Variants in ZNF273 observed in about 807,000 individuals in gnomAD.
The protein encoded by ZNF273 is zinc finger protein 9.
ZNF273 carries 11 observed loss-of-function variants against 14.9 expected under a neutral mutation model. The observed-to-expected ratio is 0.74, with a 90% CI of 0.46 to 1.22. The LOEUF is 1.22. Ranked by LOEUF, ZNF273 falls within the 50% of genes most tolerant of loss-of-function variation. The pLI is 0.00. For synonymous variants in ZNF273, 199 were observed against 223.9 expected, an observed-to-expected ratio of 0.89 and a Z score of 0.99; for missense variants, 577 against 660.6, an observed-to-expected ratio of 0.87 and a Z score of 1.39.
At chr7:64,924,283 A>G (rs1286943274) in intron 3 of ZNF273, 5 of 152,168 alleles carry the variant, frequency 3.3e-5, no homozygotes, top group Admixed American at 6.6e-5. Context: ...AGCTATTGAT[A>G]AGGGTGTGTA....
chr7:64,934,316 TTAA>T (rs1795044548), downstream of ZNF273, among the ~76,000 whole-genome samples: 1 of 152,192 alleles, frequency 6.6e-6, no homozygotes, highest in African/African-American at 2.4e-5. Flanking sequence ...CAGCTTTTTA[TTAA>T]TAATTTGAAG....
rs1794840752 is a variant in ZNF273 at position 64,927,900 on chromosome 7, CA to C, written c.575del (p.Asn192IlefsTer30). ...TATGTTAAAGTCCTTCATAAATTCT[CA>C]AATTCAAATATACATAAGAAAAGAC... ...DKYVKVLHKF[S>X]NSNIHKKRQT... On this transcript the variant is annotated frameshift_variant, in exon 4 of 4. Coordinates refer to ENST00000476120, the MANE Select transcript of ZNF273 (RefSeq NM_021148.3). LOFTEE classifies it low-confidence loss of function (END_TRUNC). 1.2e-6 allele frequency: 2 copies of C among 1,613,430 alleles called. No homozygotes were observed. The highest frequency in any genetic ancestry group is 1.7e-6 in the Non-Finnish European group (2 of 1,179,786).
chr7:64,893,393 A>G (rs1792154369), downstream of ZNF273: 2 of 152,178 alleles, frequency 1.3e-5, no homozygotes, highest in Admixed American at 6.5e-5. Flanking sequence ...ACAGTCCATC[A>G]TGTTCTGTTT....
rs562540762 is a variant in ZNF273 at position 64,916,884 on chromosome 7, A to C, written c.103-697A>C. 2.9e-4 allele frequency: 185 copies of C among 642,040 alleles called. No individual in the cohort carries two copies. The African/African-American group carries it at 3.5e-3, about 12-fold the overall frequency. The allele number at this position is 642,040 out of a possible 1,614,324, so 39.8% of individuals were successfully genotyped here. The stretch of plus-strand genomic sequence containing the variant: ...GATTTATTTTTCTTACTATAGAGTT[A>C]ATTATTTTTCTCTTCTTTATTAAGT... On this transcript the variant is annotated intron_variant, in intron 1 of 3. Transcript: ENST00000476120.
downstream of ZNF273, among the ~76,000 whole-genome samples, chr7:64,884,310 C>G (rs1583953753): frequency 6.6e-6 from 1 of 152,126 alleles, no homozygotes; most frequent in East Asian, 1.9e-4. Flanking sequence ...AATCCATGAA[C>G]ATGGGTTTGA....
chr7:64,917,585 C>G lies in ZNF273; in HGVS notation c.107C>G (p.Pro36Arg). The G allele has an allele frequency of 6.3e-7, 1 of 1,596,142 alleles. No individual in the cohort carries two copies. Among genetic ancestry groups the G allele is most frequent in the South Asian group, 1.1e-5 (1 of 90,926 alleles). ...TTGTGTGTGTGTGTTTTTCAGGGAC[C>G]ACTGACATTTAGGGATGTGGCCATA... ...PGLPGSLEMGPLTFRDVAIEF... is the reference protein window; with the variant it reads ...PGLPGSLEMGRLTFRDVAIEF... The change falls in exon 2 of 4, where the codon CCA becomes CGA. Residue 36 changes from proline (P) to arginine (R), a missense_variant. Pro to Arg is a moderately radical substitution (Grantham distance 103). Around this residue, in one of 3 missense-constraint regions of ZNF273, gnomAD observed 162 missense variants for 203.5 expected, o/e 0.80. Coordinates refer to ENST00000476120, the MANE Select transcript of ZNF273 (RefSeq NM_021148.3).
At chr7:64,887,149 G>A (rs1376855445) in intron 1 of ZNF273, among the ~76,000 whole-genome samples, 1 of 152,238 alleles carries the variant, frequency 6.6e-6, no homozygotes, top group African/African-American at 2.4e-5. Flanking sequence ...TCAAATCCCT[G>A]TGTGTGTGCA....
rs964900986 is a variant in ZNF273 at position 64,896,000 on chromosome 7, ATTTTCTTTTTTC to A, written n.489-1336_489-1325del. Among the ~76,000 whole-genome samples the A allele has an allele frequency of 9.3e-5, 14 of 151,282 alleles. No individual in the cohort carries two copies. The South Asian group carries it at 1.9e-3, about 20-fold the overall frequency. ...AAAAATTTGGTAAAATAAAGCTTTT[ATTTTCTTTTTTC>A]TTTTCTTTTTTTTTTTGAGACGGAG... is the stretch of plus-strand genomic sequence containing the variant. On this transcript the variant is annotated intron_variant and non_coding_transcript_variant, in intron 3 of 7. Transcript: ENST00000527278.
At chr7:64,903,452 G>A (rs1366428607) in intron 1 of ZNF273, 33 bp downstream of exon 1, 1 of 1,583,904 alleles carries the variant, frequency 6.3e-7, no homozygotes, top group Non-Finnish European at 8.7e-7. Flanking sequence ...CCCGAGAGAG[G>A]GGGAGGGCCT....
intron 1 of ZNF273, among the ~76,000 whole-genome samples, chr7:64,912,826 G>GTTTTTTTTTGTTTTTTTTTTTTTTTT (rs1793639044): frequency 2.7e-5 from 1 of 36,568 alleles, no homozygotes; most frequent in African/African-American, 8.2e-5. Context: ...ATTCATTTTA[G>GTTTTTTTTTGTTTTTTTTTTTTTTTT]TTTTTTTTTT....
chr7:64,934,816 G>T (rs112602981), downstream of ZNF273, among the ~76,000 whole-genome samples: 1 of 151,700 alleles, frequency 6.6e-6, no homozygotes, highest in African/African-American at 2.4e-5. Flanking sequence ...ATAAATTTTA[G>T]ATATATTTAA....
intron 3 of ZNF273, among the ~76,000 whole-genome samples, chr7:64,918,617 T>C (rs900185733): frequency 2.7e-4 from 34 of 126,164 alleles, no homozygotes; most frequent in Middle Eastern, 0.011. Context: ...GCCAAGATTG[T>C]GCCACTGCAC....
downstream of ZNF273, chr7:64,890,239 A>AGAGAGAGAGAGAGAGAG (rs1583963866): frequency 1.4e-5 from 2 of 140,346 alleles, no homozygotes; most frequent in Non-Finnish European, 3.1e-5. Context: ...AGAGAGAGGG[A>AGAGAGAGAGAGAGAGAG]ATTCTCCCAT....
intron 1 of ZNF273, among the ~76,000 whole-genome samples, chr7:64,905,814 T>A (rs149983378): frequency 6.6e-6 from 1 of 152,292 alleles, no homozygotes; most frequent in Non-Finnish European, 1.5e-5. Context: ...GCACTGCCAC[T>A]CTCTGGGGGT....
intron 1 of ZNF273, among the ~76,000 whole-genome samples, chr7:64,916,088 A>G (rs1793960048): frequency 6.6e-6 from 1 of 151,850 alleles, no homozygotes; most frequent in Non-Finnish European, 1.5e-5. Context: ...CCCAGCTACT[A>G]GGGAGACTGA....
rs748514210 is a variant in ZNF273, at chr7:64,918,204, T to C, written c.237T>C (p.Ala79=). The part of the protein sequence containing the change: ...NYRNLVFLGI[A]VSKPDLITCL... ...TCATTTTTAATAAAACAGGTATTGC[T>C]GTCTCTAAGCCAGACCTGATCACTT... The change falls in exon 3 of 4, where the codon GCT becomes GCC. Residue 79 remains alanine, a synonymous_variant. Coordinates refer to ENST00000476120, the MANE Select transcript of ZNF273 (RefSeq NM_021148.3). 23 of 1,562,846 alleles carry C rather than the reference T, an allele frequency of 1.5e-5. No homozygotes were observed. Among genetic ancestry groups the C allele is most frequent in the Admixed American group, 6.9e-5 (4 of 58,114 alleles).
downstream of ZNF273, among the ~76,000 whole-genome samples, chr7:64,933,974 G>A (rs189290612): frequency 4.1e-4 from 62 of 152,234 alleles, no homozygotes; most frequent in East Asian, 8.9e-3. Flanking sequence ...TCACCGTGCT[G>A]TACAGAAAAA....
downstream of ZNF273, among the ~76,000 whole-genome samples, chr7:64,882,029 G>C (rs533822507): frequency 6.6e-6 from 1 of 152,214 alleles, no homozygotes; most frequent in African/African-American, 2.4e-5. Context: ...TTCCTTTGTC[G>C]TGGTTCCTGC....
At chr7:64,922,314 T>C (rs970996522) in intron 3 of ZNF273, among the ~76,000 whole-genome samples, 2 of 151,670 alleles carry the variant, frequency 1.3e-5, no homozygotes, top group African/African-American at 4.8e-5. Context: ...GTTAGTTTCT[T>C]TGTTTTTGTT....
Sources: gnomAD v4.1 joint callset for allele counts (sites outside exome capture counted in the v4.1 genomes callset) on GRCh38, gnomAD v4.1.1 for gene constraint, gnomAD v4.1.1 regional missense constraint, MANE v1.5 for transcripts, NCBI Gene and HGNC (gene_info 2026-07-23, HGNC 2026-07-21) for gene names.